Variants in UBE2R2 observed in about 807,000 individuals in gnomAD.
UBE2R2 encodes ubiquitin conjugating enzyme E2 R2, also known as ubiquitin-conjugating enzyme E2 R2.
Under a neutral mutation model 27.8 loss-of-function variants are expected in UBE2R2, and 1 was observed. That is an observed-to-expected ratio of 0.04 (90% confidence interval 0.01 to 0.17). UBE2R2 has a LOEUF of 0.17. UBE2R2 is among the 10% of genes least tolerant of loss of function. The pLI, the probability that UBE2R2 is intolerant of heterozygous loss-of-function variation, is 1.00. For synonymous variants in UBE2R2, 106 were observed against 113.3 expected (o/e 0.94, Z 0.41); for missense variants, 100 against 291.0 (o/e 0.34, Z 4.78).
intron 1 of UBE2R2, among the ~76,000 whole-genome samples, chr9:33,874,751 AGCCTG>A (rs1821566466): frequency 6.6e-6 from 1 of 152,098 alleles, no homozygotes; most frequent in Admixed American, 6.6e-5. Context: ...AGCTCACTGC[AGCCTG>A]GGTTCAAGCA....
chr9:33,894,309 G>A (rs1408193346), intron 2 of UBE2R2, among the ~76,000 whole-genome samples: 1 of 152,134 alleles, frequency 6.6e-6, no homozygotes, highest in Non-Finnish European at 1.5e-5. Flanking sequence ...TCCTAAGTGG[G>A]TGTAAAGTGG....
intron 1 of UBE2R2, among the ~76,000 whole-genome samples, chr9:33,871,931 C>T (rs999618370): frequency 7.2e-5 from 11 of 152,066 alleles, no homozygotes; most frequent in African/African-American, 1.9e-4. Context: ...CCAGGATGGT[C>T]TCCATTTCCT....
intron 2 of UBE2R2, among the ~76,000 whole-genome samples, chr9:33,889,483 C>T (rs542367884): frequency 4.1e-4 from 63 of 152,134 alleles, no homozygotes; most frequent in Admixed American, 1.2e-3. Context: ...GGATTACAGG[C>T]GTGAGCCACC....
chr9:33,846,838 A>G (rs1008619387), intron 1 of UBE2R2, among the ~76,000 whole-genome samples: 36 of 152,132 alleles, frequency 2.4e-4, no homozygotes, highest in African/African-American at 8.0e-4. Context: ...TTTTAACCAC[A>G]TATTTTCCTT....
At chr9:33,837,484 G>A (rs1267193037) in intron 1 of UBE2R2, among the ~76,000 whole-genome samples, 1 of 149,974 alleles carries the variant, frequency 6.7e-6, no homozygotes, top group Admixed American at 6.7e-5. Flanking sequence ...GGAGTGCAGT[G>A]GTGCGAACAT....
chr9:33,881,163 A>T (rs1017070216), intron 1 of UBE2R2, among the ~76,000 whole-genome samples: 3 of 152,150 alleles, frequency 2.0e-5, no homozygotes, highest in Admixed American at 1.3e-4. Flanking sequence ...TGATCCCCTT[A>T]TGAAATTACC....
intron 1 of UBE2R2, among the ~76,000 whole-genome samples, chr9:33,881,740 A>G (rs1420733757): frequency 6.6e-6 from 1 of 152,188 alleles, no homozygotes; most frequent in African/African-American, 2.4e-5. Context: ...TACTTACTAC[A>G]TCATATCAGG....
upstream of UBE2R2, among the ~76,000 whole-genome samples, chr9:33,816,581 G>A (rs1026577975): frequency 6.6e-6 from 1 of 152,206 alleles, no homozygotes. Context: ...TGGAACTGCC[G>A]CACCCAGGGT....
chr9:33,863,622 T>C (rs1563992438), intron 1 of UBE2R2, among the ~76,000 whole-genome samples: 1 of 152,238 alleles, frequency 6.6e-6, no homozygotes, highest in African/African-American at 2.4e-5. Flanking sequence ...TTGGAATTAT[T>C]ATCATTTTAA....
intron 4 of UBE2R2, among the ~76,000 whole-genome samples, chr9:33,913,621 A>G (rs574006081): frequency 2.7e-4 from 41 of 152,200 alleles, no homozygotes; most frequent in Admixed American, 9.8e-4. Flanking sequence ...ATACAGTTAC[A>G]GCTTCCTCTG....
chr9:33,909,299 A>C (rs1822434136), intron 3 of UBE2R2, among the ~76,000 whole-genome samples: 1 of 152,050 alleles, frequency 6.6e-6, no homozygotes, highest in Non-Finnish European at 1.5e-5. Flanking sequence ...CACCCTGGCC[A>C]ACATGGTGAA....
intron 1 of UBE2R2, among the ~76,000 whole-genome samples, chr9:33,835,314 T>C (rs1258307044): frequency 6.6e-6 from 1 of 151,834 alleles, no homozygotes; most frequent in East Asian, 1.9e-4. Context: ...GCCTGGGTAA[T>C]TTTTGTATTT....
At chr9:33,836,190 C>T (rs1288300082) in intron 1 of UBE2R2, among the ~76,000 whole-genome samples, 1 of 152,098 alleles carries the variant, frequency 6.6e-6, no homozygotes, top group Non-Finnish European at 1.5e-5. Flanking sequence ...CCTATAATCC[C>T]AGCTACTCAC....
chr9:33,910,057 T>C (rs1822449439), intron 3 of UBE2R2, among the ~76,000 whole-genome samples: 1 of 152,184 alleles, frequency 6.6e-6, no homozygotes, highest in South Asian at 2.1e-4. Context: ...ATTTCATTTT[T>C]CCTCCCATTT....
intron 1 of UBE2R2, among the ~76,000 whole-genome samples, chr9:33,831,250 G>A (rs1184914843): frequency 6.6e-6 from 1 of 151,858 alleles, no homozygotes; most frequent in African/African-American, 2.4e-5. Context: ...AAGACTGGCC[G>A]AGCAACGTAG....
At chr9:33,874,361 CTTTT>C (rs1821557673) in intron 1 of UBE2R2, among the ~76,000 whole-genome samples, 1 of 152,014 alleles carries the variant, frequency 6.6e-6, no homozygotes, top group Admixed American at 6.6e-5. Context: ...GAAAAATCTT[CTTTT>C]TTCAGTTTAT....
At chr9:33,888,655 T>C (rs1587470644) in intron 2 of UBE2R2, among the ~76,000 whole-genome samples, 1 of 152,208 alleles carries the variant, frequency 6.6e-6, no homozygotes, top group African/African-American at 2.4e-5. Context: ...TAGCTGGGAC[T>C]ACAGGTGTGC....
chr9:33,830,564 C>T (rs1439603071), intron 1 of UBE2R2, among the ~76,000 whole-genome samples: 2 of 150,884 alleles, frequency 1.3e-5, no homozygotes, highest in East Asian at 2.0e-4. Context: ...GTCAGGAGTT[C>T]GAGACCAGCC....
In UBE2R2 at chr9:33,817,597, ACGGGCCGTGTGG is replaced by A. The variant is rs1825827995; in HGVS notation, c.-160_-149del. 2 of 844,828 alleles carry A rather than the reference ACGGGCCGTGTGG, an allele frequency of 2.4e-6. No individual in the cohort carries two copies. The highest frequency in any genetic ancestry group is 2.9e-6 in the Non-Finnish European group (2 of 679,840). 52.3% of individuals were successfully genotyped at this position (844,828 alleles called of 1,614,324 possible). On this transcript the variant is annotated 5_prime_UTR_variant, in exon 1 of 5. Transcript: ENST00000263228. ...TGTGAGGAGGACCCCGGGCGGGCCC[ACGGGCCGTGTGG>A]GGCCTGGTCTGGCCCGCCGGGTGTG...
Sources: gnomAD v4.1 joint callset for allele counts (sites outside exome capture counted in the v4.1 genomes callset) on GRCh38, gnomAD v4.1.1 for gene constraint, MANE v1.5 for transcripts, NCBI Gene and HGNC (gene_info 2026-07-23, HGNC 2026-07-21) for gene names.